The following PATJ variants were observed in gnomAD, a reference collection of about 807,000 sequenced individuals.
PATJ encodes the protein PATJ crumbs cell polarity complex component.
PATJ carries 190 observed loss-of-function variants against 224.9 expected under a neutral mutation model. That is an observed-to-expected ratio of 0.84 (90% confidence interval 0.75 to 0.95). The LOEUF (loss-of-function observed/expected upper bound fraction) is 0.95, where lower values mean the gene tolerates loss of function less well. Ranked by LOEUF, PATJ falls within the 40% of genes least tolerant of loss-of-function variation. The pLI, the probability that PATJ is intolerant of heterozygous loss-of-function variation, is 0.00. For missense variants in PATJ, 2,121 were observed against 2,270.3 expected (o/e 0.93, Z 1.34); for synonymous variants, 769 against 820.3 (o/e 0.94, Z 1.07).
chr1:61,894,723 T>C (rs760117936), intron 22 of PATJ, among the ~76,000 whole-genome samples: 7 of 152,190 alleles, frequency 4.6e-5, no homozygotes, highest in Non-Finnish European at 8.8e-5. Context: ...ACTAATAGAA[T>C]TGGTCCCAGC....
rs769143353 is a variant in PATJ at position 61,827,476 on chromosome 1, AAAG to A, written c.1877_1879del (p.Glu626del). ...TCGCCGAGAAGCAGTCTCCTTTCTT[AAAG>A]AAGTGCCACCCCCTTTTACTTTGGT... On this transcript the variant is annotated inframe_deletion, in exon 16 of 44. Coordinates refer to ENST00000642238, the MANE Select transcript of PATJ (RefSeq NM_001350145.3). 16 of 1,613,984 alleles carry A rather than the reference AAAG, an allele frequency of 9.9e-6. No homozygotes were observed. The highest frequency in any genetic ancestry group is 1.4e-5 in the Non-Finnish European group (16 of 1,179,986).
At chr1:61,812,433 A>AGAGAGAGTGT (rs1397549346) in intron 14 of PATJ, among the ~76,000 whole-genome samples, 42 of 85,204 alleles carry the variant, frequency 4.9e-4, no homozygotes, top group African/African-American at 1.8e-3. Context: ...AGAGAGAGAG[A>AGAGAGAGTGT]GTGTGTGTGT....
chr1:61,969,716 C>T (rs1682674578), intron 27 of PATJ, among the ~76,000 whole-genome samples: 1 of 152,038 alleles, frequency 6.6e-6, no homozygotes, highest in African/African-American at 2.4e-5. Context: ...TTGTTTGAGA[C>T]ACAGCCTCCC....
Position 61,762,898 on chromosome 1 carries a change from T to G in PATJ, c.6T>G (p.Pro2=). 1 of 1,543,966 alleles carries G rather than the reference T, an allele frequency of 6.5e-7. No individual in the cohort carries two copies. The highest frequency in any genetic ancestry group is 8.8e-7 in the Non-Finnish European group (1 of 1,131,842). The change falls in exon 2 of 44, where the codon CCT becomes CCG. Residue 2 remains proline, a synonymous_variant. Coordinates refer to ENST00000642238, the MANE Select transcript of PATJ (RefSeq NM_001350145.3). M[P]ENPATDKLQV... is the part of the protein sequence containing the mutation. The stretch of plus-strand genomic sequence containing the variant: ...ATTGAAGAGAATAATTCAAAATGCC[T>G]GAAAATCCTGCTACAGGTATACTGG...
intron 28 of PATJ, among the ~76,000 whole-genome samples, chr1:62,004,195 G>A (rs1645960042): frequency 1.3e-5 from 2 of 152,166 alleles, no homozygotes; most frequent in Admixed American, 6.5e-5. Flanking sequence ...ATCCTTGAGG[G>A]CGGCAACTGT....
At chr1:61,790,992 C>A (rs760000859) in intron 8 of PATJ, among the ~76,000 whole-genome samples, 5 of 152,218 alleles carry the variant, frequency 3.3e-5, no homozygotes, top group Non-Finnish European at 7.3e-5. Flanking sequence ...AGACCTCTTT[C>A]GGCTCCTTAA....
chr1:61,751,783 A>G (rs1198095383), intron 1 of PATJ, among the ~76,000 whole-genome samples: 1 of 151,674 alleles, frequency 6.6e-6, no homozygotes, highest in Non-Finnish European at 1.5e-5. Context: ...CCAAGACCGC[A>G]CCACTGCACT....
At chr1:61,773,066 A>T (rs1363735740) in intron 6 of PATJ, among the ~76,000 whole-genome samples, 1 of 152,074 alleles carries the variant, frequency 6.6e-6, no homozygotes, top group African/African-American at 2.4e-5. Flanking sequence ...TTGTCACCCA[A>T]GCTGGACTGC....
intron 14 of PATJ, among the ~76,000 whole-genome samples, chr1:61,818,716 A>C (rs1367423457): frequency 6.6e-6 from 1 of 152,122 alleles, no homozygotes; most frequent in African/African-American, 2.4e-5. Flanking sequence ...TCACCATTTA[A>C]GTTTTCTAGG....
intron 22 of PATJ, among the ~76,000 whole-genome samples, chr1:61,889,933 C>T (rs1213570982): frequency 1.3e-5 from 2 of 152,256 alleles, no homozygotes; most frequent in Non-Finnish European, 1.5e-5. Flanking sequence ...CACTTGAGAT[C>T]GTGTTTTCAG....
chr1:61,914,569 C>A lies in PATJ; in HGVS notation c.3493-18C>A. 1 of 1,318,912 alleles carries A rather than the reference C, an allele frequency of 7.6e-7. No homozygotes were observed. Among genetic ancestry groups the A allele is most frequent in the Non-Finnish European group, 1.1e-6 (1 of 940,862 alleles). 81.7% of individuals were successfully genotyped at this position (1,318,912 alleles called of 1,614,324 possible). ...TTTAAACGTTTTCTTCCCCCCACCC[C>A]TTTTTTTGTCACCATAGGTCATTCC... On this transcript the variant is annotated intron_variant, in intron 25 of 43. Coordinates refer to ENST00000642238, the MANE Select transcript of PATJ (RefSeq NM_001350145.3).
intron 31 of PATJ, among the ~76,000 whole-genome samples, chr1:62,067,315 G>C (rs1469855953): frequency 1.3e-5 from 2 of 151,478 alleles, no homozygotes; most frequent in African/African-American, 2.4e-5. Flanking sequence ...TTTTAGTAGA[G>C]ACAGGGTTTC....
intron 11 of PATJ, among the ~76,000 whole-genome samples, chr1:61,799,697 C>T (rs1007686122): frequency 3.9e-5 from 6 of 152,126 alleles, no homozygotes; most frequent in East Asian, 1.9e-4. Context: ...TTTCAACCCT[C>T]ACCCCCGCTC....
At chr1:61,968,656 C>T (rs1338098355) in intron 27 of PATJ, among the ~76,000 whole-genome samples, 3 of 151,944 alleles carry the variant, frequency 2.0e-5, no homozygotes, top group African/African-American at 7.3e-5. Context: ...GTGTGCTGCA[C>T]CCGTTAACTT....
intron 27 of PATJ, among the ~76,000 whole-genome samples, chr1:61,930,744 G>A (rs182621196): frequency 2.8e-4 from 43 of 152,162 alleles, no homozygotes; most frequent in Middle Eastern, 3.4e-3. Context: ...TTTTGCTCTT[G>A]TTGCCCAGGC....
intron 16 of PATJ, among the ~76,000 whole-genome samples, chr1:61,831,273 G>A (rs1431489885): frequency 6.6e-6 from 1 of 151,676 alleles, no homozygotes; most frequent in Non-Finnish European, 1.5e-5. Context: ...ATTGGCCTTG[G>A]CAAAGATTTC....
intron 28 of PATJ, among the ~76,000 whole-genome samples, chr1:61,999,731 A>G (rs1452398111): frequency 6.6e-6 from 1 of 152,178 alleles, no homozygotes; most frequent in Non-Finnish European, 1.5e-5. Flanking sequence ...CCACCCCAAA[A>G]GCTAGCAAAT....
rs182056294 is a variant in PATJ at position 61,971,386 on chromosome 1, A to G, written c.3671-18782A>G. ...AGCGTAAGGCCAGGTGTGGTGGCTC[A>G]CATCTGTAGTCCCAGCACTTTGGGA... On this transcript the variant is annotated intron_variant, in intron 27 of 43. Transcript: ENST00000642238. Among the ~76,000 whole-genome samples, 114 of 152,294 alleles carry G rather than the reference A, an allele frequency of 7.5e-4. No individual in the cohort carries two copies. In the East Asian group the frequency reaches 0.013, roughly 18 times the overall value.
intron 33 of PATJ, among the ~76,000 whole-genome samples, chr1:62,084,862 A>G (rs1043259032): frequency 6.6e-6 from 1 of 152,192 alleles, no homozygotes; most frequent in Non-Finnish European, 1.5e-5. Flanking sequence ...TCACACTTAT[A>G]ATCCCAGCAC....
Sources: gnomAD v4.1 joint callset for allele counts (sites outside exome capture counted in the v4.1 genomes callset) on GRCh38, gnomAD v4.1.1 for gene constraint, MANE v1.5 for transcripts, NCBI Gene and HGNC (gene_info 2026-07-23, HGNC 2026-07-21) for gene names.